The following GRIN2A variants were observed in gnomAD, a reference collection of about 807,000 sequenced individuals.
GRIN2A encodes the protein glutamate ionotropic receptor NMDA type subunit 2A, also known as glutamate receptor ionotropic, NMDA 2A.
Under a neutral mutation model 113.4 loss-of-function variants are expected in GRIN2A, and 22 were observed. The observed-to-expected ratio is 0.19, with a 90% CI of 0.14 to 0.28. GRIN2A has a LOEUF of 0.28. GRIN2A is among the 10% of genes least tolerant of loss of function. The pLI is 1.00. For missense variants in GRIN2A, 1,502 were observed against 1,887.0 expected (o/e 0.80, Z 3.78); for synonymous variants, 827 against 738.4 (o/e 1.12, Z -1.94).
At chr16:9,784,461 AC>A (rs1395821207) in intron 11 of GRIN2A, among the ~76,000 whole-genome samples, 9 of 150,196 alleles carry the variant, frequency 6.0e-5, no homozygotes, top group African/African-American at 2.0e-4. Flanking sequence ...AAACAAACAA[AC>A]AAAAAACCTA....
intron 2 of GRIN2A, among the ~76,000 whole-genome samples, chr16:10,102,952 T>C (rs1366165446): frequency 7.2e-5 from 11 of 152,224 alleles, no homozygotes; most frequent in African/African-American, 2.4e-4. Context: ...GATGCCTCGG[T>C]TGCTGCATCA....
intron 10 of GRIN2A, among the ~76,000 whole-genome samples, chr16:9,802,660 C>G (rs1037232233): frequency 2.0e-5 from 3 of 152,108 alleles, no homozygotes; most frequent in Non-Finnish European, 4.4e-5. Flanking sequence ...CTAAGGCAGC[C>G]TGGGGCTTGT....
At chr16:10,158,722 G>A (rs1407217780) in intron 2 of GRIN2A, among the ~76,000 whole-genome samples, 2 of 152,136 alleles carry the variant, frequency 1.3e-5, no homozygotes, top group Non-Finnish European at 2.9e-5. Flanking sequence ...TAAATCCACA[G>A]ATACAGAAAG....
chr16:9,985,346 A>T (rs547351069), intron 2 of GRIN2A, among the ~76,000 whole-genome samples: 155 of 152,318 alleles, frequency 1.0e-3, no homozygotes, highest in African/African-American at 3.6e-3. Context: ...AGTGATGTTT[A>T]TTAGTCAGTG....
In GRIN2A at chr16:9,792,875, T is replaced by C. The variant is rs555539367; in HGVS notation, c.2356+5402A>G. On this transcript the variant is annotated intron_variant, in intron 11 of 12. Coordinates refer to ENST00000330684, the MANE Select transcript of GRIN2A (RefSeq NM_001134407.3). ...CCTTGCAGCTTGGTTTAGTAGGAAA[T>C]GATCAGAATTGGACTCAGATGAACT... 3.0e-3 allele frequency among the ~76,000 whole-genome samples: 455 copies of C among 152,340 alleles called. 5 individuals carry two copies. Among genetic ancestry groups the C allele is most frequent in the Non-Finnish European group, 4.7e-3 (318 of 68,032 alleles).
In GRIN2A at chr16:10,033,524, C is replaced by T. The variant is rs201274942; in HGVS notation, c.415-94973G>A. On this transcript the variant is annotated intron_variant, in intron 2 of 12. Coordinates refer to ENST00000330684, the MANE Select transcript of GRIN2A (RefSeq NM_001134407.3). Reference sequence around the variant, plus strand: ...GTTAGAACAGGGCCATGATCTTCTCCCCATCAAGCTAAATGTGTTTGGGCA... The same window carrying T: ...GTTAGAACAGGGCCATGATCTTCTCTCCATCAAGCTAAATGTGTTTGGGCA... 2.8e-4 allele frequency among the ~76,000 whole-genome samples: 43 copies of T among 152,274 alleles called. No homozygotes were observed. The East Asian group carries it at 5.0e-3, about 18-fold the overall frequency.
intron 10 of GRIN2A, among the ~76,000 whole-genome samples, chr16:9,799,269 G>A (rs148579580): frequency 2.8e-4 from 43 of 152,264 alleles, no homozygotes; most frequent in Middle Eastern, 3.4e-3. Context: ...TGTGGCTGCC[G>A]TCCTTATTAA....
chr16:9,952,722 G>T (rs1252748201), intron 2 of GRIN2A, among the ~76,000 whole-genome samples: 1 of 152,116 alleles, frequency 6.6e-6, no homozygotes, highest in African/African-American at 2.4e-5. Context: ...TTGATCCCAA[G>T]TACACGTGAC....
chr16:10,138,420 C>G (rs114255297), intron 2 of GRIN2A, among the ~76,000 whole-genome samples: 1 of 151,996 alleles, frequency 6.6e-6, no homozygotes, highest in East Asian at 1.9e-4. Context: ...GAAGAGGAAG[C>G]GAGGAACATC....
intron 2 of GRIN2A, among the ~76,000 whole-genome samples, chr16:10,050,145 C>T (rs1473622712): frequency 1.3e-5 from 2 of 152,152 alleles, no homozygotes; most frequent in Admixed American, 1.3e-4. Context: ...CCAATGTAAT[C>T]AGAAGTATTC....
intron 4 of GRIN2A, among the ~76,000 whole-genome samples, chr16:9,880,372 C>A (rs2043453261): frequency 6.6e-6 from 1 of 151,594 alleles, no homozygotes; most frequent in African/African-American, 2.4e-5. Context: ...AAACTAATTG[C>A]AGTTTTCGCT....
chr16:10,049,960 TTA>T (rs1184667062), intron 2 of GRIN2A, among the ~76,000 whole-genome samples: 1 of 152,186 alleles, frequency 6.6e-6, no homozygotes, highest in Non-Finnish European at 1.5e-5. Context: ...ACTCCCATAT[TTA>T]TACTCATACC....
At chr16:9,980,926 C>A (rs990006011) in intron 2 of GRIN2A, among the ~76,000 whole-genome samples, 7 of 151,558 alleles carry the variant, frequency 4.6e-5, no homozygotes, top group Admixed American at 4.6e-4. Context: ...CAACATGGCA[C>A]ATGTACACAT....
chr16:10,126,754 T>A (rs4782275), intron 2 of GRIN2A, among the ~76,000 whole-genome samples: 1 of 152,090 alleles, frequency 6.6e-6, no homozygotes, highest in African/African-American at 2.4e-5. Context: ...AAGCAACCAT[T>A]TGATTCTGCC....
At chr16:10,077,071 T>C (rs1483657438) in intron 2 of GRIN2A, among the ~76,000 whole-genome samples, 2 of 152,156 alleles carry the variant, frequency 1.3e-5, no homozygotes, top group African/African-American at 4.8e-5. Context: ...CACAGAGGAA[T>C]GCAATGTTGC....
chr16:9,986,997 C>A (rs2141799660), intron 2 of GRIN2A, among the ~76,000 whole-genome samples: 1 of 152,230 alleles, frequency 6.6e-6, no homozygotes, highest in African/African-American at 2.4e-5. Context: ...GAATCAGAAT[C>A]TCTGGATATG....
intron 2 of GRIN2A, among the ~76,000 whole-genome samples, chr16:10,152,639 T>C (rs56742225): frequency 0.027 from 4,073 of 152,290 alleles, 177 homozygotes; most frequent in African/African-American, 0.094. Context: ...AAACCCACTC[T>C]TCCGCTAGTT....
rs1159170489 is a variant in GRIN2A, at chr16:9,760,475, C to G, written c.*2674G>C. The G allele has an allele frequency of 5.9e-6, 1 of 168,256 alleles. No homozygotes were observed. The highest frequency in any genetic ancestry group is 2.8e-5 in the African/African-American group (1 of 35,614). The allele number at this position is 168,256 out of a possible 1,614,324, so 10.4% of individuals were successfully genotyped here. On this transcript the variant is annotated 3_prime_UTR_variant, in exon 13 of 13. Transcript: ENST00000330684. ...ATAAACTTTGTGTAGCATAACATTT[C>G]TGATTATTTATTTGAAAAAACACTT... is the stretch of plus-strand genomic sequence containing the variant.
At chr16:9,899,063 T>G (rs2043864562) in intron 3 of GRIN2A, among the ~76,000 whole-genome samples, 1 of 152,032 alleles carries the variant, frequency 6.6e-6, no homozygotes, top group African/African-American at 2.4e-5. Context: ...GGTGCTCAAT[T>G]TCATATACAG....
Sources: allele counts gnomAD v4.1 joint callset (sites outside exome capture counted in the v4.1 genomes callset), GRCh38; gene constraint gnomAD v4.1.1; transcripts MANE v1.5; gene names NCBI Gene and HGNC (gene_info 2026-07-23, HGNC 2026-07-21).